WHRN: variants seen among roughly 807,000 people sequenced by gnomAD.
WHRN encodes the protein CASK-interacting protein CIP98.
WHRN carries 41 observed loss-of-function variants against 68.3 expected under a neutral mutation model. The ratio of observed to expected loss-of-function variants is 0.60; its 90% CI spans 0.47 to 0.78. The LOEUF is 0.78. Among genes scored for constraint, WHRN ranks in the 30% least tolerant of loss-of-function variants. The pLI, the probability that WHRN is intolerant of heterozygous loss-of-function variation, is 0.00. For synonymous variants in WHRN, 560 were observed against 561.3 expected, an observed-to-expected ratio of 1.00 and a Z score of 0.03; for missense variants, 1,243 against 1,244.7, an observed-to-expected ratio of 1.00 and a Z score of 0.02.
Position 114,474,121 on chromosome 9 carries a change from C to G in WHRN, c.837+4432G>C, listed in dbSNP as rs1468072301. Among the ~76,000 whole-genome samples, 3 of 152,186 alleles carry G rather than the reference C, an allele frequency of 2.0e-5. No individual in the cohort carries two copies. The East Asian group carries it at 5.8e-4, about 29-fold the overall frequency. ...CCATTTCAAAGAAATGAGTTCACCCCACTCAACTCAGGAACAATCTCATCC... is the reference window on the plus strand; with the variant it reads ...CCATTTCAAAGAAATGAGTTCACCCGACTCAACTCAGGAACAATCTCATCC... On this transcript the variant is annotated intron_variant, in intron 2 of 11. Transcript: ENST00000362057.
chr9:114,446,977 T>C (rs2132656808), intron 3 of WHRN, among the ~76,000 whole-genome samples: 1 of 151,084 alleles, frequency 6.6e-6, no homozygotes, highest in East Asian at 2.0e-4. Context: ...ACCCCCATGC[T>C]TCTATGTCTG....
At chr9:114,459,784 G>A (rs1209165761) in intron 3 of WHRN, among the ~76,000 whole-genome samples, 1 of 152,202 alleles carries the variant, frequency 6.6e-6, no homozygotes, top group Non-Finnish European at 1.5e-5. Flanking sequence ...CATTAGGACT[G>A]CCATAAAATC....
At chr9:114,436,365 ATAT>A (rs1168076991) in intron 3 of WHRN, among the ~76,000 whole-genome samples, 12 of 152,206 alleles carry the variant, frequency 7.9e-5, no homozygotes, top group Admixed American at 2.6e-4. Context: ...ACTAATAAAA[ATAT>A]TATCCATATT....
At chr9:114,462,240 G>A (rs772568911) in intron 3 of WHRN, among the ~76,000 whole-genome samples, 6 of 152,174 alleles carry the variant, frequency 3.9e-5, no homozygotes, top group Non-Finnish European at 8.8e-5. Context: ...AGAGCAGGGT[G>A]TTCTGGAATA....
In WHRN at chr9:114,406,834, G is replaced by A. The variant is rs771542666; in HGVS notation, c.1757C>T (p.Pro586Leu). 14 of 1,606,156 alleles carry A rather than the reference G, an allele frequency of 8.7e-6. No individual in the cohort carries two copies. The Admixed American group carries it at 1.7e-4, about 20-fold the overall frequency. ...GAGGTCGTTGCCTTGGGCCAGAGGT[G>A]GTGGGCGAGGCAGTGGCTTGAAGCT... Reference protein sequence around the residue: ...LSSFKPLPRPPPLAQGNDLPL... With the variant: ...LSSFKPLPRPLPLAQGNDLPL... Residue 586 changes from proline (P) to leucine (L), a missense_variant, in exon 9 of 12, where the codon CCA becomes CTA. By Grantham distance (98) the Pro-to-Leu change is moderately conservative. Transcript: ENST00000362057.
At chr9:114,439,167 G>A (rs933633606) in intron 3 of WHRN, among the ~76,000 whole-genome samples, 6 of 152,162 alleles carry the variant, frequency 3.9e-5, no homozygotes, top group African/African-American at 1.4e-4. Flanking sequence ...GGGACATGGG[G>A]AGTCGTACTC....
intron 7 of WHRN, among the ~76,000 whole-genome samples, chr9:114,410,326 C>T (rs911646496): frequency 6.6e-6 from 1 of 152,232 alleles, no homozygotes; most frequent in African/African-American, 2.4e-5. Context: ...CCTCACTTTT[C>T]AGAACAGTGG....
intron 3 of WHRN, among the ~76,000 whole-genome samples, chr9:114,438,899 A>AT: frequency 6.6e-6 from 1 of 152,360 alleles, no homozygotes; most frequent in East Asian, 1.9e-4. Flanking sequence ...GAACGGTTGG[A>AT]TAACGTATGG....
chr9:114,423,626 C>T, intron 6 of WHRN, 103 bp from the exon 7 acceptor site: 2 of 1,157,316 alleles, frequency 1.7e-6, no homozygotes, highest in Admixed American at 2.5e-5. Flanking sequence ...TTGACCCTGC[C>T]TCCCCTCCTT....
At chr9:114,432,581 T>C (rs947972043) in intron 3 of WHRN, among the ~76,000 whole-genome samples, 6 of 152,224 alleles carry the variant, frequency 3.9e-5, no homozygotes, top group African/African-American at 9.6e-5. Context: ...ACTTGCTGTA[T>C]GACCTTGGGT....
intron 7 of WHRN, among the ~76,000 whole-genome samples, chr9:114,413,977 T>C (rs550536999): frequency 6.6e-6 from 1 of 152,154 alleles, no homozygotes; most frequent in East Asian, 1.9e-4. Flanking sequence ...ACCCAGAATC[T>C]CTAGAAGGTT....
At chr9:114,420,185 G>A (rs529292050) in intron 7 of WHRN, among the ~76,000 whole-genome samples, 24 of 152,252 alleles carry the variant, frequency 1.6e-4, no homozygotes, top group Admixed American at 1.6e-3. Context: ...ACACACACAT[G>A]CAAAATCCAC....
At chr9:114,417,032 C>T (rs1400874725) in intron 7 of WHRN, among the ~76,000 whole-genome samples, 1 of 152,234 alleles carries the variant, frequency 6.6e-6, no homozygotes, top group Non-Finnish European at 1.5e-5. Context: ...AACAGGCAGG[C>T]CTTTCTTCTT....
At chr9:114,466,510 G>A in intron 2 of WHRN, 118 bp from the exon 3 acceptor site, 2 of 1,464,422 alleles carry the variant, frequency 1.4e-6, no homozygotes, top group Non-Finnish European at 1.9e-6. Context: ...CTGGCAAGGA[G>A]GCCCAGGCCA....
chr9:114,434,481 A>G (rs987259912), intron 3 of WHRN, among the ~76,000 whole-genome samples: 2 of 152,156 alleles, frequency 1.3e-5, no homozygotes, highest in Non-Finnish European at 2.9e-5. Flanking sequence ...AATGGCCACC[A>G]TCCTGAACAA....
Position 114,505,355 on chromosome 9 carries a change from G to C in WHRN, c.-554C>G, listed in dbSNP as rs967810953. ...GAAGCGGCGCGGGCGTCCGACAAGG[G>C]GTGCGGGGCATGTCCGGGGCAGCCC... On this transcript the variant is annotated 5_prime_UTR_variant, in exon 1 of 12. Coordinates refer to ENST00000362057, the MANE Select transcript of WHRN (RefSeq NM_015404.4). The C allele has an allele frequency of 6.6e-6, 1 of 152,444 alleles. No individual in the cohort carries two copies. Among genetic ancestry groups the C allele is most frequent in the African/African-American group, 2.4e-5 (1 of 41,454 alleles). 9.4% of individuals were successfully genotyped at this position (152,444 alleles called of 1,614,324 possible). A position where few individuals can be genotyped will look rare whatever the true frequency, so the allele number is the denominator to read the frequency against.
rs4979384 is a variant in WHRN at position 114,419,852 on chromosome 9, C to T, written c.1626+3462G>A. Among the ~76,000 whole-genome samples, 1,320 of 152,200 alleles carry T rather than the reference C, an allele frequency of 8.7e-3. 71 individuals carry two copies. The highest frequency in any genetic ancestry group is 0.078 in the Admixed American group (1,196 of 15,282). The stretch of plus-strand genomic sequence containing the variant: ...GTGGCAGAGCTGGGATTTGAATGGA[C>T]GGGATTCTCACTGCAGAGCTCAGGA... On this transcript the variant is annotated intron_variant, in intron 7 of 11. Coordinates refer to ENST00000362057, the MANE Select transcript of WHRN (RefSeq NM_015404.4).
chr9:114,442,514 T>C (rs939379458), intron 3 of WHRN, among the ~76,000 whole-genome samples: 2 of 152,164 alleles, frequency 1.3e-5, no homozygotes, highest in African/African-American at 4.8e-5. Context: ...AGGGCTGATA[T>C]GGTTTGGATA....
At chr9:114,439,984 C>T (rs1279955216) in intron 3 of WHRN, among the ~76,000 whole-genome samples, 8 of 152,136 alleles carry the variant, frequency 5.3e-5, no homozygotes, top group Non-Finnish European at 1.0e-4. Context: ...GTGATCTCAG[C>T]TCATTGCAAC....
Sources: gnomAD v4.1 joint callset for allele counts (sites outside exome capture counted in the v4.1 genomes callset) on GRCh38, gnomAD v4.1.1 for gene constraint, MANE v1.5 for transcripts, NCBI Gene and HGNC (gene_info 2026-07-23, HGNC 2026-07-21) for gene names.